Variants in NT5DC1 observed in about 807,000 individuals in gnomAD.
The protein encoded by NT5DC1 is 5'-nucleotidase domain containing 1, also known as 5'-nucleotidase domain-containing protein 1.
Under a neutral mutation model 59.4 loss-of-function variants are expected in NT5DC1, and 42 were observed. The observed-to-expected ratio is 0.71, with a 90% CI of 0.55 to 0.92. The LOEUF (loss-of-function observed/expected upper bound fraction) is 0.92. NT5DC1 is among the 40% of genes least tolerant of loss of function. The pLI, the probability that NT5DC1 is intolerant of heterozygous loss-of-function variation, is 0.00. For synonymous variants in NT5DC1, 172 were observed against 188.1 expected (o/e 0.91, Z 0.70); for missense variants, 501 against 537.1 (o/e 0.93, Z 0.66).
intron 8 of NT5DC1, among the ~76,000 whole-genome samples, chr6:116,226,804 T>C (rs1781919911): frequency 6.6e-6 from 1 of 152,104 alleles, no homozygotes; most frequent in Non-Finnish European, 1.5e-5. Flanking sequence ...TATAAACACT[T>C]AGTTTTTTAA....
intron 6 of NT5DC1, chr6:116,120,029 G>T: frequency 6.6e-7 from 1 of 1,525,974 alleles, no homozygotes; most frequent in Non-Finnish European, 9.1e-7. Context: ...TAGAGTTAGA[G>T]AATGCTTTTT....
chr6:116,237,070 A>C lies in NT5DC1; in HGVS notation c.907A>C (p.Lys303Gln), dbSNP rs1782128110. Residue 303 changes from lysine to glutamine, a missense_variant, in exon 9 of 12, where the codon AAA becomes CAA. Coordinates refer to ENST00000319550, the MANE Select transcript of NT5DC1 (RefSeq NM_152729.3). ...LYELLKKMTG[K>Q]PEPKVVYFGD... ...TGAACTTCTGAAGAAAATGACTGGC[A>C]AACCTGAACCCAAGGTATTTCCCAG... 2 of 1,605,712 alleles carry C rather than the reference A, an allele frequency of 1.2e-6. No homozygotes were observed. The highest frequency in any genetic ancestry group is 1.7e-4 in the Middle Eastern group (1 of 6,058).
intron 6 of NT5DC1, among the ~76,000 whole-genome samples, chr6:116,197,607 G>GGAGTTA (rs1209440757): frequency 6.6e-6 from 1 of 151,960 alleles, no homozygotes; most frequent in African/African-American, 2.4e-5. Context: ...CCCAAATGTC[G>GGAGTTA]GAGTTAGACT....
At position 116,117,893 on chromosome 6, in the gene NT5DC1, G is replaced by T. The variant is rs1403643002; in HGVS notation, c.477G>T (p.Trp159Cys). The T allele has an allele frequency of 6.3e-7, 1 of 1,585,502 alleles. No homozygotes were observed. Among genetic ancestry groups the T allele is most frequent in the Non-Finnish European group, 8.6e-7 (1 of 1,156,138 alleles). ...ATGGTCAAAAAACATTTGATTTTTG[G>T]AAGGATATAGTTGCTGCTATACAAC... Reference protein sequence around the residue: ...LNNGQKTFDFWKDIVAAIQHN... With the variant: ...LNNGQKTFDFCKDIVAAIQHN... The change falls in exon 6 of 12, where the codon TGG (tryptophan) becomes TGT (cysteine). Residue 159 changes from tryptophan (W) to cysteine (C), a missense_variant. Transcript: ENST00000319550.
chr6:116,168,901 T>G (rs1169565624), intron 6 of NT5DC1, among the ~76,000 whole-genome samples: 2 of 152,216 alleles, frequency 1.3e-5, no homozygotes, highest in African/African-American at 4.8e-5. Flanking sequence ...AAGTTGTGCT[T>G]CAGGCCATTG....
intron 9 of NT5DC1, 28 bp downstream of exon 9, chr6:116,237,112 A>AACT: frequency 4.7e-6 from 6 of 1,263,562 alleles, no homozygotes; most frequent in Non-Finnish European, 7.0e-6. Flanking sequence ...AGAAGTCCTC[A>AACT]GTGCCCACTT....
intron 11 of NT5DC1, among the ~76,000 whole-genome samples, chr6:116,239,784 C>T (rs1782188492): frequency 6.6e-6 from 1 of 151,984 alleles, no homozygotes; most frequent in Non-Finnish European, 1.5e-5. Context: ...TTTCTAAAAA[C>T]AATTCATATA....
intron 6 of NT5DC1, among the ~76,000 whole-genome samples, chr6:116,146,781 T>A (rs1779908767): frequency 6.6e-6 from 1 of 151,992 alleles, no homozygotes; most frequent in Non-Finnish European, 1.5e-5. Context: ...ATTTAATGTA[T>A]GAAAAAGATA....
At chr6:116,166,408 A>G (rs1333664637) in intron 6 of NT5DC1, among the ~76,000 whole-genome samples, 2 of 152,222 alleles carry the variant, frequency 1.3e-5, no homozygotes, top group African/African-American at 4.8e-5. Flanking sequence ...ACATAAAGGA[A>G]TGGATCAACC....
chr6:116,249,428 A>G lies in NT5DC1; in HGVS notation c.*5404A>G, dbSNP rs1245546759. The G allele has an allele frequency of 6.6e-6, 1 of 152,234 alleles. No individual in the cohort carries two copies. The highest frequency in any genetic ancestry group is 2.4e-5 in the African/African-American group (1 of 41,468). The allele number at this position is 152,234 out of a possible 1,614,324, so 9.4% of individuals were successfully genotyped here. ...CAGAGAATGCAGAGGTATTTATCCA[A>G]TAAACTTTCATGTAATTGCTGCTAT... On this transcript the variant is annotated 3_prime_UTR_variant, in exon 12 of 12. Coordinates refer to ENST00000319550, the MANE Select transcript of NT5DC1 (RefSeq NM_152729.3).
chr6:116,191,987 A>G (rs896420002), intron 6 of NT5DC1, among the ~76,000 whole-genome samples: 1 of 152,064 alleles, frequency 6.6e-6, no homozygotes, highest in Non-Finnish European at 1.5e-5. Flanking sequence ...AATTACGAGC[A>G]AACATGAGGA....
At chr6:116,237,962 C>T (rs1782152615) in intron 9 of NT5DC1, among the ~76,000 whole-genome samples, 1 of 152,160 alleles carries the variant, frequency 6.6e-6, no homozygotes, top group Non-Finnish European at 1.5e-5. Flanking sequence ...TGTCTTCCAC[C>T]TGTGAATGTG....
At chr6:116,115,318 A>G (rs1778944326) in intron 4 of NT5DC1, among the ~76,000 whole-genome samples, 2 of 152,226 alleles carry the variant, frequency 1.3e-5, no homozygotes, top group Admixed American at 1.3e-4. Context: ...AGAGCGCTTC[A>G]TGGTACTCCA....
intron 6 of NT5DC1, among the ~76,000 whole-genome samples, chr6:116,183,238 C>T (rs139325716): frequency 8.6e-5 from 13 of 151,748 alleles, no homozygotes; most frequent in East Asian, 3.9e-4. Flanking sequence ...TCTGTGTGCC[C>T]GTTTTTATAC....
chr6:116,163,164 T>A (rs1156669373), intron 6 of NT5DC1, among the ~76,000 whole-genome samples: 8 of 124,148 alleles, frequency 6.4e-5, no homozygotes, highest in African/African-American at 2.2e-4. Context: ...ATATATATAT[T>A]AGTAATATTG....
At chr6:116,208,071 G>A (rs572103198) in intron 6 of NT5DC1, among the ~76,000 whole-genome samples, 1 of 152,070 alleles carries the variant, frequency 6.6e-6, no homozygotes, top group African/African-American at 2.4e-5. Flanking sequence ...AGTCCTCAGT[G>A]TGGGGCAGAT....
intron 6 of NT5DC1, among the ~76,000 whole-genome samples, chr6:116,198,449 G>T (rs554988512): frequency 2.0e-5 from 3 of 152,158 alleles, no homozygotes; most frequent in Admixed American, 6.5e-5. Context: ...ACTACAGGTG[G>T]CTGGGTATAG....
At position 116,239,037 on chromosome 6, in the gene NT5DC1, C is replaced by A; in HGVS notation, c.1166C>A (p.Thr389Lys). 1 of 1,606,276 alleles carries A rather than the reference C, an allele frequency of 6.2e-7. No individual in the cohort carries two copies. Among genetic ancestry groups the A allele is most frequent in the Non-Finnish European group, 8.5e-7 (1 of 1,173,108 alleles). The part of the protein sequence containing the change: ...FIDSVLGLEN[T>K]EDSLVYTWSC... ...GATTCAGTTTTGGGACTGGAAAATA[C>A]AGAAGACTCCTTGGTTTATACATGG... is the stretch of plus-strand genomic sequence containing the variant. Residue 389 changes from threonine (T) to lysine (K), a missense_variant, in exon 11 of 12, where the codon ACA (threonine) becomes AAA (lysine). Thr to Lys is a moderately conservative substitution (Grantham distance 78, BLOSUM62 -1). Coordinates refer to ENST00000319550, the MANE Select transcript of NT5DC1 (RefSeq NM_152729.3).
intron 8 of NT5DC1, among the ~76,000 whole-genome samples, chr6:116,232,391 A>G (rs1195819623): frequency 2.0e-5 from 3 of 152,118 alleles, no homozygotes; most frequent in African/African-American, 7.2e-5. Flanking sequence ...ACAAATGTGT[A>G]AAAACATGGA....
Sources: gnomAD v4.1 joint callset for allele counts (sites outside exome capture counted in the v4.1 genomes callset) on GRCh38, gnomAD v4.1.1 for gene constraint, MANE v1.5 for transcripts, NCBI Gene and HGNC (gene_info 2026-07-23, HGNC 2026-07-21) for gene names.